FOXP1: variants seen among roughly 807,000 people sequenced by gnomAD.
The protein encoded by FOXP1 is forkhead box protein P1.
A neutral mutation model predicts 98.2 loss-of-function variants in FOXP1; 15 were observed. The observed-to-expected ratio is 0.15, with a 90% confidence interval of 0.10 to 0.24. FOXP1 has a LOEUF of 0.24. FOXP1 is among the 10% of genes least tolerant of loss of function. The pLI is 1.00. For missense variants in FOXP1, 633 were observed against 848.5 expected, an observed-to-expected ratio of 0.75 and a Z score of 3.15; for synonymous variants, 371 against 314.5, an observed-to-expected ratio of 1.18 and a Z score of -1.90.
intron 7 of FOXP1, among the ~76,000 whole-genome samples, chr3:71,071,234 G>C (rs1295340101): frequency 1.3e-5 from 2 of 152,194 alleles, no homozygotes; most frequent in Non-Finnish European, 2.9e-5. Flanking sequence ...CAGAGGGTGT[G>C]TTTAAGAACT....
chr3:71,184,220 C>T (rs1327175864), intron 6 of FOXP1, among the ~76,000 whole-genome samples: 1 of 152,188 alleles, frequency 6.6e-6, no homozygotes, highest in Non-Finnish European at 1.5e-5. Context: ...AGAACCACTG[C>T]TGACTGCCAT....
intron 5 of FOXP1, among the ~76,000 whole-genome samples, chr3:71,244,332 C>T (rs191410030): frequency 1.7e-3 from 263 of 152,232 alleles, no homozygotes; most frequent in African/African-American, 6.2e-3. Flanking sequence ...TCTCTCCCCC[C>T]TCTTTTAGGT....
intron 6 of FOXP1, among the ~76,000 whole-genome samples, chr3:71,141,948 T>C (rs919445303): frequency 1.3e-5 from 2 of 152,212 alleles, no homozygotes; most frequent in Non-Finnish European, 2.9e-5. Context: ...GCACAGAGGC[T>C]GAAAAGAAAG....
At chr3:71,562,408 C>A (rs2046608133) in intron 2 of FOXP1, among the ~76,000 whole-genome samples, 1 of 152,208 alleles carries the variant, frequency 6.6e-6, no homozygotes, top group Admixed American at 6.5e-5. Flanking sequence ...GTCTAAGGGT[C>A]ATGCGGCTTG....
intron 3 of FOXP1, among the ~76,000 whole-genome samples, chr3:71,379,105 G>T (rs2079948489): frequency 6.6e-6 from 1 of 151,880 alleles, no homozygotes. Flanking sequence ...TGATCTTGGT[G>T]GTTTTTAGTT....
intron 7 of FOXP1, among the ~76,000 whole-genome samples, chr3:71,074,859 G>A (rs2107467227): frequency 6.6e-6 from 1 of 152,338 alleles, no homozygotes; most frequent in Non-Finnish European, 1.5e-5. Flanking sequence ...AGTGAGACCA[G>A]GGGCTCATGC....
intron 3 of FOXP1, among the ~76,000 whole-genome samples, chr3:71,463,663 C>A (rs1375192127): frequency 1.3e-5 from 2 of 152,034 alleles, no homozygotes; most frequent in Non-Finnish European, 2.9e-5. Context: ...CTTTGTGGTC[C>A]CTGAATTAAA....
intron 2 of FOXP1, among the ~76,000 whole-genome samples, chr3:71,576,498 AC>A (rs1280231812): frequency 6.6e-6 from 1 of 152,202 alleles, no homozygotes; most frequent in Non-Finnish European, 1.5e-5. Flanking sequence ...GCTTGACAGT[AC>A]TTCTGTCTTT....
intron 5 of FOXP1, among the ~76,000 whole-genome samples, chr3:71,239,307 G>A (rs569559557): frequency 6.6e-6 from 1 of 152,116 alleles, no homozygotes; most frequent in Non-Finnish European, 1.5e-5. Flanking sequence ...ACTTTGGGAG[G>A]CCGAGGTAGG....
chr3:71,478,841 T>C (rs1021010272), intron 3 of FOXP1, among the ~76,000 whole-genome samples: 1 of 152,154 alleles, frequency 6.6e-6, no homozygotes, highest in Non-Finnish European at 1.5e-5. Flanking sequence ...TTAAGTCTCA[T>C]AGAAGGCACC....
At chr3:70,989,730 T>G (rs1013259069) in intron 13 of FOXP1, among the ~76,000 whole-genome samples, 1 of 152,166 alleles carries the variant, frequency 6.6e-6, no homozygotes, top group African/African-American at 2.4e-5. Flanking sequence ...TAGTCTGTCA[T>G]GCTGAACAAT....
intron 17 of FOXP1, among the ~76,000 whole-genome samples, chr3:70,973,531 A>G (rs549484448): frequency 1.6e-4 from 24 of 152,270 alleles, no homozygotes; most frequent in South Asian, 6.2e-4. Flanking sequence ...AGAGCTTTTA[A>G]TATCTCATCT....
Position 71,381,437 on chromosome 3 carries a change from C to CTTT in FOXP1, c.-167-22196_-167-22194dup, listed in dbSNP as rs1171799165. On this transcript the variant is annotated intron_variant, in intron 3 of 20. Transcript: ENST00000649528. ...ACAGGCGTGAGCCACTGCGCCTGGC[C>CTTT]TTTTTTTTTTTTTTTTTTTTTTTGA... 4.2e-3 allele frequency among the ~76,000 whole-genome samples: 323 copies of CTTT among 77,662 alleles called. 2 individuals carry two copies. The highest frequency in any genetic ancestry group is 6.1e-3 in the Non-Finnish European group (257 of 42,428). The allele number at this position is 77,662 out of a possible 152,430, so 50.9% of individuals were successfully genotyped here. A position where few individuals can be genotyped will look rare whatever the true frequency, so the allele number is the denominator to read the frequency against.
chr3:70,975,947 C>G (rs1477827383), intron 17 of FOXP1, among the ~76,000 whole-genome samples: 1 of 152,080 alleles, frequency 6.6e-6, no homozygotes, highest in South Asian at 2.1e-4. Context: ...CAATAAAGAG[C>G]TATGCAATTT....
chr3:71,120,778 A>T (rs1229015443), intron 6 of FOXP1, among the ~76,000 whole-genome samples: 1 of 151,990 alleles, frequency 6.6e-6, no homozygotes, highest in African/African-American at 2.4e-5. Context: ...ACCAGCCTGA[A>T]CCCCTCTTCT....
At chr3:71,001,150 C>A (rs572511609) in intron 12 of FOXP1, 91 bp from the exon 13 acceptor site, 2 of 947,468 alleles carry the variant, frequency 2.1e-6, no homozygotes, top group East Asian at 2.6e-5. Context: ...AACTAGGCAG[C>A]GGGTCTAGCT....
intron 5 of FOXP1, among the ~76,000 whole-genome samples, chr3:71,284,161 A>C (rs1002043785): frequency 1.3e-5 from 2 of 152,228 alleles, no homozygotes; most frequent in Non-Finnish European, 2.9e-5. Context: ...CAGTACTGAT[A>C]GGATGAGAAA....
In FOXP1 at chr3:71,018,093, AT is replaced by A. The variant is rs2044783988; in HGVS notation, c.870-2441del. Among the ~76,000 whole-genome samples, 3 of 152,324 alleles carry A rather than the reference AT, an allele frequency of 2.0e-5. No homozygotes were observed. In the South Asian group the frequency reaches 6.2e-4, roughly 32 times the overall value. On this transcript the variant is annotated intron_variant, in intron 11 of 20. Coordinates refer to ENST00000649528, the MANE Select transcript of FOXP1 (RefSeq NM_001349338.3). The stretch of plus-strand genomic sequence containing the variant: ...GAAAATAATAACATGAGAGAAAATA[AT>A]AATATGCATTCACTAGCAGGGTTTT...
intron 11 of FOXP1, among the ~76,000 whole-genome samples, chr3:71,036,250 G>A (rs796928335): frequency 6.6e-6 from 1 of 152,302 alleles, no homozygotes; most frequent in African/African-American, 2.4e-5. Flanking sequence ...ACAGGGCTCC[G>A]TCAATAAATG....
Sources: allele counts gnomAD v4.1 joint callset (sites outside exome capture counted in the v4.1 genomes callset), GRCh38; gene constraint gnomAD v4.1.1; transcripts MANE v1.5; gene names NCBI Gene and HGNC (gene_info 2026-07-23, HGNC 2026-07-21).